The following PHGDH variants were observed in gnomAD, a reference collection of about 807,000 sequenced individuals.
PHGDH encodes the protein D-3-phosphoglycerate dehydrogenase.
PHGDH carries 50 observed loss-of-function variants against 52.6 expected under a neutral mutation model. The ratio of observed to expected loss-of-function variants is 0.95; its 90% CI spans 0.76 to 1.20. PHGDH has a LOEUF of 1.20. Ranked by LOEUF, PHGDH falls within the 50% of genes most tolerant of loss-of-function variation. The pLI is 0.00. For synonymous variants in PHGDH, 271 were observed against 280.5 expected (o/e 0.97, Z 0.34); for missense variants, 630 against 684.6 (o/e 0.92, Z 0.89).
At chr1:119,742,584 A>T (rs900679289) in intron 10 of PHGDH, 5 of 608,582 alleles carry the variant, frequency 8.2e-6, no homozygotes, top group Admixed American at 2.8e-5. Flanking sequence ...TGCCTGGCAG[A>T]TCTCTTTGCC....
rs587676197 is a variant in PHGDH at position 119,737,038 on chromosome 1, T to G, written c.793-76T>G. 2.0e-6 allele frequency: 3 copies of G among 1,478,194 alleles called. No individual in the cohort carries two copies. The East Asian group carries it at 6.8e-5, about 33-fold the overall frequency. 91.6% of individuals were successfully genotyped at this position (1,478,194 alleles called of 1,614,324 possible). A position where few individuals can be genotyped will look rare whatever the true frequency, so the allele number is the denominator to read the frequency against. On this transcript the variant is annotated intron_variant, in intron 7 of 11. Transcript: ENST00000641023. Reference sequence around the variant, plus strand: ...CTCCTGACTGCCTTCCCTCCAACTTTCCTGTTGCCTGGGGTGGCCCAAGAG... The same window carrying G: ...CTCCTGACTGCCTTCCCTCCAACTTGCCTGTTGCCTGGGGTGGCCCAAGAG...
At chr1:119,733,113 C>G (rs1055162132) in intron 5 of PHGDH, among the ~76,000 whole-genome samples, 6 of 152,112 alleles carry the variant, frequency 3.9e-5, no homozygotes, top group Non-Finnish European at 8.8e-5. Context: ...CTGAAAAAGA[C>G]CACCAGCGTT....
At chr1:119,732,139 A>G (rs1248450467) in intron 5 of PHGDH, among the ~76,000 whole-genome samples, 1 of 152,190 alleles carries the variant, frequency 6.6e-6, no homozygotes, top group Non-Finnish European at 1.5e-5. Flanking sequence ...CGTGACGGTG[A>G]GGGTTCTTCT....
At position 119,711,961 on chromosome 1, in the gene PHGDH, C is replaced by G. The variant is rs948124385; in HGVS notation, c.-62C>G. The G allele has an allele frequency of 6.9e-6, 11 of 1,595,222 alleles. No individual in the cohort carries two copies. Among genetic ancestry groups the G allele is most frequent in the Non-Finnish European group, 9.4e-6 (11 of 1,164,546 alleles). On this transcript the variant is annotated 5_prime_UTR_variant, in exon 1 of 12. Transcript: ENST00000641023. ...AGTTACTCTAGCGCGCCAGGCCGAA[C>G]CGCAGCTTCTTGGCTTAGGTACTTC...
intron 1 of PHGDH, chr1:119,720,752 C>A: frequency 4.1e-6 from 1 of 243,486 alleles, no homozygotes; most frequent in Non-Finnish European, 8.2e-6. Context: ...CAGGAACTCC[C>A]ATTTTGAGCA....
intron 1 of PHGDH, among the ~76,000 whole-genome samples, chr1:119,717,363 G>T (rs1650981422): frequency 6.7e-6 from 1 of 148,564 alleles, no homozygotes; most frequent in Non-Finnish European, 1.5e-5. Context: ...ACTTGCTTTT[G>T]TTTATGGGAT....
chr1:119,741,335 G>A (rs906353413), intron 9 of PHGDH, among the ~76,000 whole-genome samples: 1 of 152,206 alleles, frequency 6.6e-6, no homozygotes, highest in African/African-American at 2.4e-5. Flanking sequence ...AAGCGCCGAA[G>A]GAAACAAGGC....
In PHGDH at chr1:119,744,185, A is replaced by G; in HGVS notation, c.*145A>G. ...CTGCACTCTGACCCTGTAGTACAGC[A>G]ATAACCGTCTAATAAAGAGCCTACC... On this transcript the variant is annotated 3_prime_UTR_variant, in exon 12 of 12. Coordinates refer to ENST00000641023, the MANE Select transcript of PHGDH (RefSeq NM_006623.4). 1 of 763,714 alleles carries G rather than the reference A, an allele frequency of 1.3e-6. No individual in the cohort carries two copies. The allele number at this position is 763,714 out of a possible 1,614,324, so 47.3% of individuals were successfully genotyped here.
intron 5 of PHGDH, 84 bp downstream of exon 5, chr1:119,727,186 CT>C: frequency 1.2e-6 from 1 of 844,398 alleles, no homozygotes; most frequent in Middle Eastern, 2.2e-4. Context: ...AAGCCAGAAG[CT>C]TTGTTCTAGG....
intron 8 of PHGDH, 111 bp downstream of exon 8, chr1:119,737,377 T>C: frequency 3.1e-6 from 3 of 960,002 alleles, no homozygotes; most frequent in Non-Finnish European, 4.7e-6. Flanking sequence ...CCCTGGGAGC[T>C]GAAGATAAGG....
At position 119,726,879 on chromosome 1, in the gene PHGDH, A is replaced by G; in HGVS notation, c.385A>G (p.Lys129Glu). ...GATTCCCCAGGCGACGGCTTCGATG[A>G]AGGACGGCAAATGGGAGCGGAAGAA... ...RQIPQATASMKDGKWERKKFM... is the reference protein window; with the variant it reads ...RQIPQATASMEDGKWERKKFM... The change falls in exon 4 of 12, where the codon AAG (lysine) becomes GAG (glutamate). Residue 129 changes from lysine to glutamate, a missense_variant. Coordinates refer to ENST00000641023, the MANE Select transcript of PHGDH (RefSeq NM_006623.4). 6.2e-6 allele frequency: 10 copies of G among 1,614,140 alleles called. No homozygotes were observed. The highest frequency in any genetic ancestry group is 8.5e-6 in the Non-Finnish European group (10 of 1,180,012).
chr1:119,729,047 A>G (rs1409318526), intron 5 of PHGDH, among the ~76,000 whole-genome samples: 1 of 152,172 alleles, frequency 6.6e-6, no homozygotes, highest in Non-Finnish European at 1.5e-5. Flanking sequence ...CCCATTGTAC[A>G]CATTGAATAT....
chr1:119,734,792 T>TG, intron 6 of PHGDH, 26 bp downstream of exon 6: 1 of 1,613,390 alleles, frequency 6.2e-7, no homozygotes, highest in South Asian at 1.1e-5. Context: ...CATTGTGGAT[T>TG]GGTCACAGAA....
At chr1:119,715,147 G>A (rs1650872668) in intron 1 of PHGDH, among the ~76,000 whole-genome samples, 1 of 152,152 alleles carries the variant, frequency 6.6e-6, no homozygotes, top group South Asian at 2.1e-4. Flanking sequence ...TCATACATAT[G>A]TGTACACACA....
At chr1:119,717,968 A>G (rs587632902) in intron 1 of PHGDH, among the ~76,000 whole-genome samples, 34 of 152,336 alleles carry the variant, frequency 2.2e-4, no homozygotes, top group Admixed American at 2.0e-3. Context: ...CATTTATTCA[A>G]TGGAAGTGTA....
intron 2 of PHGDH, among the ~76,000 whole-genome samples, chr1:119,721,945 G>A (rs1382381888): frequency 1.3e-5 from 2 of 152,210 alleles, no homozygotes; most frequent in East Asian, 1.9e-4. Flanking sequence ...GTGCTGTACT[G>A]TACCCGTTCT....
rs772824997 is a variant in PHGDH, at chr1:119,721,273, A to T, written c.242A>T (p.Asp81Val). Residue 81 changes from aspartate to valine, a missense_variant, in exon 2 of 12, where the codon GAC (aspartate) becomes GTC (valine). Transcript: ENST00000641023. Reference sequence around the variant, plus strand: ...GTGGGCAGGGCTGGCACAGGTGTGGACAATGTGGATCTGGAGGCCGCAACA... The same window carrying T: ...GTGGGCAGGGCTGGCACAGGTGTGGTCAATGTGGATCTGGAGGCCGCAACA... ...QVVGRAGTGV[D>V]NVDLEAATRK... is the part of the protein sequence containing the mutation. 1.8e-5 allele frequency: 29 copies of T among 1,613,994 alleles called. No individual in the cohort carries two copies. Among genetic ancestry groups the T allele is most frequent in the Non-Finnish European group, 1.7e-5 (20 of 1,180,020 alleles).
chr1:119,732,367 AC>A (rs2101188569), intron 5 of PHGDH, among the ~76,000 whole-genome samples: 1 of 151,652 alleles, frequency 6.6e-6, no homozygotes, highest in African/African-American at 2.4e-5. Context: ...AGGTGAGGGA[AC>A]CCCTTCATGT....
intron 5 of PHGDH, among the ~76,000 whole-genome samples, chr1:119,728,482 A>T (rs746000773): frequency 3.3e-5 from 5 of 152,114 alleles, no homozygotes; most frequent in Non-Finnish European, 7.4e-5. Context: ...TGGCTGGAAG[A>T]CCTCACACCG....
Sources: allele counts gnomAD v4.1 joint callset (sites outside exome capture counted in the v4.1 genomes callset), GRCh38; gene constraint gnomAD v4.1.1; transcripts MANE v1.5; gene names NCBI Gene and HGNC (gene_info 2026-07-23, HGNC 2026-07-21).